The following PSME4 variants were observed in gnomAD, a reference collection of about 807,000 sequenced individuals.
The protein encoded by PSME4 is proteasome activator subunit 4.
In PSME4, 89 loss-of-function variants were observed where a neutral mutation model predicts 253.9. That is an observed-to-expected ratio of 0.35 (90% CI 0.30 to 0.42). The LOEUF is 0.42. Among genes scored for constraint, PSME4 ranks in the 10% least tolerant of loss-of-function variants. The probability of loss-of-function intolerance (pLI) is 1.00; values close to 1 mark genes in which losing one functional copy is unlikely to be tolerated. For missense variants in PSME4, 2,014 were observed against 2,195.2 expected, an observed-to-expected ratio of 0.92 and a Z score of 1.65; for synonymous variants, 851 against 759.2, an observed-to-expected ratio of 1.12 and a Z score of -1.99.
At chr2:53,873,613 A>C (rs1352624891) in intron 43 of PSME4, among the ~76,000 whole-genome samples, 1 of 152,222 alleles carries the variant, frequency 6.6e-6, no homozygotes, top group Non-Finnish European at 1.5e-5. Flanking sequence ...CATTAATGTA[A>C]CCTCACCACA....
rs758422924 is a variant in PSME4, at chr2:53,934,765, T to C, written c.835-38A>G. The C allele has an allele frequency of 4.7e-6, 7 of 1,474,836 alleles. No individual in the cohort carries two copies. In the East Asian group the frequency reaches 1.4e-4, roughly 30 times the overall value. The allele number at this position is 1,474,836 out of a possible 1,614,324, so 91.4% of individuals were successfully genotyped here. ...AAAAATAAGTAAGGATATTTACAGG[T>C]ATCAAAATAATTCTTTAGCTTAGTA... On this transcript the variant is annotated intron_variant, in intron 7 of 46. Transcript: ENST00000404125.
Position 53,887,420 on chromosome 2 carries a change from G to T in PSME4, c.4568C>A (p.Thr1523Lys). 6.2e-7 allele frequency: 1 copy of T among 1,614,016 alleles called. No individual in the cohort carries two copies. Among genetic ancestry groups the T allele is most frequent in the Non-Finnish European group, 8.5e-7 (1 of 1,179,896 alleles). ...AGGGACATGAGGCGATATGGTTGGTGTGGTATTTGGCAAAGATACATCTAT... is the reference window on the plus strand; with the variant it reads ...AGGGACATGAGGCGATATGGTTGGTTTGGTATTTGGCAAAGATACATCTAT... ...FMIDVSLPNT[T>K]PTISPHVPEF... The change falls in exon 40 of 47, where the codon ACA becomes AAA. Residue 1523 changes from threonine to lysine, a missense_variant. Around this residue, in one of 4 missense-constraint regions of PSME4, gnomAD observed 403 missense variants for 556.1 expected, o/e 0.72. Coordinates refer to ENST00000404125, the MANE Select transcript of PSME4 (RefSeq NM_014614.3).
intron 46 of PSME4, 41 bp from the exon 47 acceptor site, chr2:53,865,614 A>G (rs564970745): frequency 2.0e-5 from 3 of 153,094 alleles, no homozygotes; most frequent in African/African-American, 7.2e-5. Context: ...GTAACAAGAC[A>G]TCCAACTCTA....
chr2:53,910,100 T>C lies in PSME4; in HGVS notation c.2547A>G (p.Thr849=). The C allele has an allele frequency of 1.2e-6, 2 of 1,608,676 alleles. No homozygotes were observed. The highest frequency in any genetic ancestry group is 3.4e-4 in the Middle Eastern group (2 of 5,952). Residue 849 remains threonine (T), a synonymous_variant, in exon 21 of 47, where the codon ACA becomes ACG. Coordinates refer to ENST00000404125, the MANE Select transcript of PSME4 (RefSeq NM_014614.3). ...LVPSMVSLEE[T]KLYTGLEYDL... ...CATATTCAAGTCCAGTATACAACTTTGTCTCTTCCAAGGACACCATACTTG... is the reference window on the plus strand; with the variant it reads ...CATATTCAAGTCCAGTATACAACTTCGTCTCTTCCAAGGACACCATACTTG...
At chr2:53,900,081 T>A in intron 28 of PSME4, 64 bp from the exon 29 acceptor site, 1 of 1,431,926 alleles carries the variant, frequency 7.0e-7, no homozygotes, top group Non-Finnish European at 9.6e-7. Context: ...TGAACGAACC[T>A]TGAAAATGTC....
At chr2:53,871,315 A>C (rs578133315) in intron 43 of PSME4, among the ~76,000 whole-genome samples, 1 of 151,846 alleles carries the variant, frequency 6.6e-6, no homozygotes, top group South Asian at 2.1e-4. Flanking sequence ...CAGTGGCACG[A>C]TCTTGGCTCA....
Position 53,970,529 on chromosome 2 carries a change from C to CG in PSME4, c.242+13_242+14insC. The stretch of plus-strand genomic sequence containing the variant: ...TTTCCCCCCGGCCCGGCCCGCAGGC[C>CG]CGGGCACACTTACGTGGAGAGTTTC... On this transcript the variant is annotated intron_variant, in intron 1 of 46. Transcript: ENST00000404125. 6.5e-7 allele frequency: 1 copy of CG among 1,547,984 alleles called. No homozygotes were observed. Among genetic ancestry groups the CG allele is most frequent in the South Asian group, 1.2e-5 (1 of 83,956 alleles).
chr2:53,875,838 CTTTAA>C (rs376843385), intron 41 of PSME4, 83 bp from the exon 42 acceptor site: 10 of 1,290,200 alleles, frequency 7.8e-6, no homozygotes, highest in Non-Finnish European at 9.5e-6. Flanking sequence ...GACAACACAT[CTTTAA>C]TTTAACAATT....
intron 41 of PSME4, among the ~76,000 whole-genome samples, chr2:53,877,436 A>C (rs949421424): frequency 5.3e-5 from 8 of 152,034 alleles, no homozygotes; most frequent in Non-Finnish European, 1.0e-4. Flanking sequence ...AAAGTTTGCT[A>C]AGGGAAATTA....
intron 29 of PSME4, among the ~76,000 whole-genome samples, chr2:53,899,061 A>G (rs1044139555): frequency 6.6e-6 from 1 of 152,086 alleles, no homozygotes; most frequent in African/African-American, 2.4e-5. Flanking sequence ...GGACAGTGAA[A>G]TAACTTTTTG....
At position 53,869,242 on chromosome 2, in the gene PSME4, G is replaced by C. The variant is rs977058237; in HGVS notation, c.5263+134C>G. Reference sequence around the variant, plus strand: ...TTTCTATATGCAAAACTCCTCAAAAGTAGGGAAAACTTTTCCCAATACCTA... The same window carrying C: ...TTTCTATATGCAAAACTCCTCAAAACTAGGGAAAACTTTTCCCAATACCTA... On this transcript the variant is annotated intron_variant, in intron 44 of 46. Coordinates refer to ENST00000404125, the MANE Select transcript of PSME4 (RefSeq NM_014614.3). 8 of 885,018 alleles carry C rather than the reference G, an allele frequency of 9.0e-6. No individual in the cohort carries two copies. In the East Asian group the frequency reaches 1.3e-4, roughly 14 times the overall value. 54.8% of individuals were successfully genotyped at this position (885,018 alleles called of 1,614,324 possible). A position where few individuals can be genotyped will look rare whatever the true frequency, so the allele number is the denominator to read the frequency against.
rs375350997 is a variant in PSME4, at chr2:53,893,491, C to T, written c.4038+183G>A. Reference sequence around the variant, plus strand: ...ATTATATATTAATGCTATGTCAATACTGGTTGTAATGTCTTGTTTAGGGAA... The same window carrying T: ...ATTATATATTAATGCTATGTCAATATTGGTTGTAATGTCTTGTTTAGGGAA... On this transcript the variant is annotated intron_variant, in intron 35 of 46. Coordinates refer to ENST00000404125, the MANE Select transcript of PSME4 (RefSeq NM_014614.3). Among the ~76,000 whole-genome samples the T allele has an allele frequency of 2.0e-5, 3 of 152,128 alleles. No homozygotes were observed. In the South Asian group the frequency reaches 6.2e-4, roughly 32 times the overall value.
At chr2:53,933,601 CA>C (rs1296692723) in intron 8 of PSME4, among the ~76,000 whole-genome samples, 1 of 152,146 alleles carries the variant, frequency 6.6e-6, no homozygotes, top group African/African-American at 2.4e-5. Context: ...AGGCTGGTCT[CA>C]AACTCCTGGG....
intron 20 of PSME4, among the ~76,000 whole-genome samples, chr2:53,910,445 C>T (rs535400795): frequency 1.3e-5 from 2 of 152,198 alleles, no homozygotes; most frequent in African/African-American, 4.8e-5. Context: ...GAAAAGTCAG[C>T]TTAATAATGG....
chr2:53,890,825 C>G (rs926406286), intron 36 of PSME4, among the ~76,000 whole-genome samples: 3 of 151,998 alleles, frequency 2.0e-5, no homozygotes, highest in Admixed American at 2.0e-4. Flanking sequence ...ATCAGGAGTT[C>G]AAGATCAAGC....
chr2:53,908,679 C>G (rs929508226), intron 22 of PSME4, 105 bp downstream of exon 22: 2 of 1,432,264 alleles, frequency 1.4e-6, no homozygotes, highest in African/African-American at 1.4e-5. Context: ...AATATTCTCA[C>G]CATTTAGAAT....
intron 10 of PSME4, among the ~76,000 whole-genome samples, chr2:53,931,212 G>C (rs1668815259): frequency 6.6e-6 from 1 of 152,154 alleles, no homozygotes; most frequent in Non-Finnish European, 1.5e-5. Flanking sequence ...GGAAGGCGGA[G>C]GTTGCGGTGA....
rs550886723 is a variant in PSME4 at position 53,890,132 on chromosome 2, T to C, written c.4268A>G (p.Asp1423Gly). The change falls in exon 37 of 47, where the codon GAC (aspartate) becomes GGC (glycine). Residue 1423 changes from aspartate to glycine, a missense_variant. By Grantham distance (94) the Asp-to-Gly change is moderately conservative. Transcript: ENST00000404125. Reference sequence around the variant, plus strand: ...GGATGTTGCTATACAAGCTCCCCAGTCATTATAAGTTTCTACGGTAATATT... The same window carrying C: ...GGATGTTGCTATACAAGCTCCCCAGCCATTATAAGTTTCTACGGTAATATT... ...LSNITVETYN[D>G]WGACIATSCE... The C allele has an allele frequency of 3.1e-6, 5 of 1,613,844 alleles. No homozygotes were observed. The Admixed American group carries it at 8.3e-5, about 27-fold the overall frequency.
In PSME4 at chr2:53,970,653, T is replaced by C. The variant is rs1671028149; in HGVS notation, c.132A>G (p.Leu44=). The C allele has an allele frequency of 1.3e-6, 2 of 1,550,246 alleles. No homozygotes were observed. Among genetic ancestry groups the C allele is most frequent in the South Asian group, 1.2e-5 (1 of 84,046 alleles). Residue 44 remains leucine (L), a synonymous_variant, in exon 1 of 47, where the codon CTA becomes CTG. Transcript: ENST00000404125. ...YNKLLPYAER[L]DAESDLQLAQ... ...CCAGCTGCAAGTCGGACTCGGCGTC[T>C]AGCCGCTCCGCGTAGGGCAGCAGCT...
Sources: allele counts gnomAD v4.1 joint callset (sites outside exome capture counted in the v4.1 genomes callset), GRCh38; gene constraint gnomAD v4.1.1; regional missense constraint gnomAD v4.1.1; transcripts MANE v1.5; gene names NCBI Gene and HGNC (gene_info 2026-07-23, HGNC 2026-07-21).